Variants in ADCY8 observed in about 807,000 individuals in gnomAD.
The protein encoded by ADCY8 is adenylate cyclase type 8.
ADCY8 carries 51 observed loss-of-function variants against 119.7 expected under a neutral mutation model. The ratio of observed to expected loss-of-function variants is 0.43; its 90% confidence interval spans 0.34 to 0.54. The LOEUF (loss-of-function observed/expected upper bound fraction) is 0.54, where lower values mean the gene tolerates loss of function less well. ADCY8 is among the 20% of genes least tolerant of loss of function. The pLI is 0.03. For synonymous variants in ADCY8, 665 were observed against 651.0 expected (o/e 1.02, Z -0.33); for missense variants, 1,383 against 1,598.8 (o/e 0.87, Z 2.30).
chr8:130,783,939 G>T, intron 16 of ADCY8, 134 bp from the exon 17 acceptor site: 1 of 634,010 alleles, frequency 1.6e-6, no homozygotes, highest in Non-Finnish European at 2.7e-6. Flanking sequence ...ATGTGGGTGA[G>T]CCCCTCTACA....
At chr8:130,890,860 C>T (rs1301383536) in intron 7 of ADCY8, among the ~76,000 whole-genome samples, 2 of 152,156 alleles carry the variant, frequency 1.3e-5, no homozygotes, top group African/African-American at 4.8e-5. Flanking sequence ...TTTATTAGCT[C>T]CTGGACAAGG....
chr8:130,908,633 G>A (rs1477098650), intron 6 of ADCY8, among the ~76,000 whole-genome samples: 1 of 152,168 alleles, frequency 6.6e-6, no homozygotes, highest in African/African-American at 2.4e-5. Flanking sequence ...AAGTTCACAA[G>A]GTAGCAAATC....
chr8:130,986,114 A>G (rs1488248496), intron 2 of ADCY8, among the ~76,000 whole-genome samples: 2 of 152,168 alleles, frequency 1.3e-5, no homozygotes, highest in Non-Finnish European at 2.9e-5. Context: ...CTAACTCCCT[A>G]AAGAAAGATG....
chr8:131,013,489 T>C (rs1823374976), intron 1 of ADCY8, among the ~76,000 whole-genome samples: 1 of 152,146 alleles, frequency 6.6e-6, no homozygotes, highest in African/African-American at 2.4e-5. Flanking sequence ...CAGAAAATAA[T>C]TTTTCTACCA....
At chr8:130,991,142 C>A (rs2130742557) in intron 1 of ADCY8, among the ~76,000 whole-genome samples, 1 of 152,254 alleles carries the variant, frequency 6.6e-6, no homozygotes, top group African/African-American at 2.4e-5. Context: ...ATTGGGCTTC[C>A]TACTTTTTCA....
At chr8:130,885,388 T>C (rs35981604) in intron 7 of ADCY8, among the ~76,000 whole-genome samples, 55,062 of 151,908 alleles carry the variant, frequency 0.36, 10,762 homozygotes, top group East Asian at 0.65. Flanking sequence ...GTGTGTAATT[T>C]CTTTTAGGTA....
chr8:130,814,025 C>T lies in ADCY8; in HGVS notation c.2913+44G>A, dbSNP rs756872023. 11 of 1,608,628 alleles carry T rather than the reference C, an allele frequency of 6.8e-6. No homozygotes were observed. The African/African-American group carries it at 1.2e-4, about 18-fold the overall frequency. On this transcript the variant is annotated intron_variant, in intron 14 of 17. Transcript: ENST00000286355. ...ATCAATGTGAACAACTGCACATCAC[C>T]CACCACCACCCTTTCTCACTGGCTA...
intron 1 of ADCY8, among the ~76,000 whole-genome samples, chr8:131,001,299 G>A (rs906898041): frequency 4.6e-5 from 7 of 152,072 alleles, no homozygotes; most frequent in Admixed American, 1.3e-4. Flanking sequence ...GTAGGTGGGC[G>A]TCCTGAGAGA....
At chr8:130,963,243 T>A (rs1366669161) in intron 2 of ADCY8, among the ~76,000 whole-genome samples, 3 of 152,156 alleles carry the variant, frequency 2.0e-5, no homozygotes, top group East Asian at 1.9e-4. Context: ...GACATGGTGT[T>A]CACTTTTGCA....
chr8:130,798,919 A>G (rs554353300), intron 15 of ADCY8, among the ~76,000 whole-genome samples: 1 of 152,116 alleles, frequency 6.6e-6, no homozygotes, highest in Non-Finnish European at 1.5e-5. Flanking sequence ...CCACACACAT[A>G]CACATATACA....
chr8:130,865,501 C>T lies in ADCY8; in HGVS notation c.2210+2345G>A, dbSNP rs186773115. Among the ~76,000 whole-genome samples, 230 of 152,140 alleles carry T rather than the reference C, an allele frequency of 1.5e-3. 1 individual carries two copies. The highest frequency in any genetic ancestry group is 2.8e-3 in the Non-Finnish European group (192 of 67,980). On this transcript the variant is annotated intron_variant, in intron 9 of 17. Coordinates refer to ENST00000286355, the MANE Select transcript of ADCY8 (RefSeq NM_001115.3). ...TGATATATTTTGTGAGCATGTCTTT[C>T]TGGAGCACTTTCAATGACTATAAGA... is the stretch of plus-strand genomic sequence containing the variant.
Position 131,040,044 on chromosome 8 carries a change from C to T in ADCY8, c.290G>A (p.Gly97Glu), listed in dbSNP as rs945561581. 9 of 1,548,332 alleles carry T rather than the reference C, an allele frequency of 5.8e-6. No homozygotes were observed. The highest frequency in any genetic ancestry group is 2.4e-5 in the South Asian group (2 of 84,468). The change falls in exon 1 of 18, where the codon GGA (glycine) becomes GAA (glutamate). Residue 97 changes from glycine to glutamate, a missense_variant. Coordinates refer to ENST00000286355, the MANE Select transcript of ADCY8 (RefSeq NM_001115.3). The part of the protein sequence containing the change: ...SALPLYSLGP[G>E]ERAHSTCGTK... ...GCCGCAGGTGCTGTGCGCTCGCTCT[C>T]CCGGGCCCAGCGAGTAGAGGGGCAG...
intron 8 of ADCY8, among the ~76,000 whole-genome samples, chr8:130,874,105 C>T (rs536078966): frequency 1.3e-5 from 2 of 151,908 alleles, no homozygotes; most frequent in Admixed American, 6.6e-5. Flanking sequence ...GTCAGGAGTT[C>T]GAGACCATCC....
rs547831927 is a variant in ADCY8 at position 130,805,611 on chromosome 8, C to G, written c.2914-5039G>C. Among the ~76,000 whole-genome samples the G allele has an allele frequency of 5.3e-5, 8 of 152,290 alleles. 1 individual carries two copies. The South Asian group carries it at 1.5e-3, about 28-fold the overall frequency. ...AGATGCTAACTGATGGAGGGAGTGG[C>G]TACAGGGGTCTGACAGTCAGTTGAA... On this transcript the variant is annotated intron_variant, in intron 14 of 17. Coordinates refer to ENST00000286355, the MANE Select transcript of ADCY8 (RefSeq NM_001115.3).
rs576147400 is a variant in ADCY8, at chr8:131,017,299, A to G, written c.960+22075T>C. Among the ~76,000 whole-genome samples the G allele has an allele frequency of 2.4e-3, 366 of 152,026 alleles. 1 individual carries two copies. Among genetic ancestry groups the G allele is most frequent in the African/African-American group, 8.5e-3 (353 of 41,484 alleles). ...TGGCCATGCTGGTCTCGAACTTTTG[A>G]TCTCAGGTGATCCACCCGCCTTGGT... On this transcript the variant is annotated intron_variant, in intron 1 of 17. Coordinates refer to ENST00000286355, the MANE Select transcript of ADCY8 (RefSeq NM_001115.3).
At chr8:130,875,806 T>A (rs11780690) in intron 8 of ADCY8, among the ~76,000 whole-genome samples, 4 of 152,004 alleles carry the variant, frequency 2.6e-5, no homozygotes, top group Non-Finnish European at 5.9e-5. Flanking sequence ...TGGACATAGC[T>A]AAGAACCAAT....
chr8:130,927,171 C>T (rs1299706464), intron 5 of ADCY8, among the ~76,000 whole-genome samples: 1 of 152,150 alleles, frequency 6.6e-6, no homozygotes, highest in African/African-American at 2.4e-5. Flanking sequence ...AGAACTGCCA[C>T]TGTTTTAAAT....
chr8:130,891,130 G>A (rs933789242), intron 7 of ADCY8, among the ~76,000 whole-genome samples: 2 of 152,100 alleles, frequency 1.3e-5, no homozygotes, highest in Non-Finnish European at 2.9e-5. Flanking sequence ...CTGGGAGCAC[G>A]CTTCCATTAC....
At chr8:130,796,766 C>G (rs1815591903) in intron 15 of ADCY8, among the ~76,000 whole-genome samples, 1 of 149,264 alleles carries the variant, frequency 6.7e-6, no homozygotes, top group Admixed American at 6.7e-5. Flanking sequence ...CTTCCACCTC[C>G]TCCCCTTTCC....
Sources: gnomAD v4.1 joint callset for allele counts (sites outside exome capture counted in the v4.1 genomes callset) on GRCh38, gnomAD v4.1.1 for gene constraint, MANE v1.5 for transcripts, NCBI Gene and HGNC (gene_info 2026-07-23, HGNC 2026-07-21) for gene names.